ACSBG1: variants seen among roughly 807,000 people sequenced by gnomAD.
ACSBG1 encodes the protein long-chain-fatty-acid--CoA ligase ACSBG1.
In ACSBG1, 39 loss-of-function variants were observed where a neutral mutation model predicts 80.2. The ratio of observed to expected loss-of-function variants is 0.49; its 90% CI spans 0.38 to 0.64. The LOEUF (loss-of-function observed/expected upper bound fraction) is 0.64. ACSBG1 is among the 30% of genes least tolerant of loss of function. The probability of loss-of-function intolerance (pLI) is 0.00; values close to 1 mark genes in which losing one functional copy is unlikely to be tolerated. For synonymous variants in ACSBG1, 392 were observed against 379.5 expected (o/e 1.03, Z -0.38); for missense variants, 828 against 966.4 (o/e 0.86, Z 1.90).
chr15:78,215,710 GAGAAAGAAAGAAAGAGAA>G (rs1404244077), intron 1 of ACSBG1, among the ~76,000 whole-genome samples: 4 of 113,512 alleles, frequency 3.5e-5, no homozygotes, highest in African/African-American at 1.1e-4. Flanking sequence ...GAAGGAAAGA[GAGAAAGAAAGAAAGAGAA>G]AGAAAGAAAG....
At chr15:78,198,351 CTTTT>C (rs754538033) in intron 2 of ACSBG1, among the ~76,000 whole-genome samples, 72 of 144,310 alleles carry the variant, frequency 5.0e-4, no homozygotes, top group Admixed American at 1.0e-3. Flanking sequence ...ACTATAATCT[CTTTT>C]TTTGTTTTTG....
At chr15:78,182,368 C>T (rs887317093) in intron 7 of ACSBG1, 98 bp downstream of exon 7, 1 of 1,502,468 alleles carries the variant, frequency 6.7e-7, no homozygotes, top group Non-Finnish European at 9.0e-7. Flanking sequence ...GCAGAGGGGC[C>T]CAAGGAGCTT....
chr15:78,226,431 A>G (rs75453885), intron 1 of ACSBG1: 26,593 of 152,374 alleles, frequency 0.17, 2,800 homozygotes, highest in Non-Finnish European at 0.24. Context: ...GAAATAATTC[A>G]TGAAGTTAAA....
chr15:78,178,636 G>C lies in ACSBG1; in HGVS notation c.1680C>G (p.Leu560=). The C allele has an allele frequency of 6.2e-7, 1 of 1,612,976 alleles. No individual in the cohort carries two copies. Among genetic ancestry groups the C allele is most frequent in the Non-Finnish European group, 8.5e-7 (1 of 1,179,700 alleles). ...CACCTTTGAGGCGCCCAGTGATGTA[G>C]AGGAAGCCATCGGCGTCCAGGCGGC... ...DAGRLDADGF[L]YITGRLKELI... Residue 560 remains leucine, a synonymous_variant, in exon 11 of 14, where the codon CTC becomes CTG. Transcript: ENST00000258873. The surrounding 1 kb of genome is among the most constrained non-coding windows in gnomAD (Gnocchi z 4.3).
chr15:78,231,721 T>C (rs567043205), intron 1 of ACSBG1, among the ~76,000 whole-genome samples: 1 of 152,270 alleles, frequency 6.6e-6, no homozygotes, highest in East Asian at 1.9e-4. Context: ...CCTGAGTAGG[T>C]GGGACTACAG....
chr15:78,173,874 T>C, intron 12 of ACSBG1, 35 bp from the exon 13 acceptor site: 1 of 1,602,708 alleles, frequency 6.2e-7, no homozygotes, highest in Non-Finnish European at 8.5e-7. Flanking sequence ...GACCAAGCCT[T>C]ACCCAACAAG....
chr15:78,204,804 G>C (rs1343993091), intron 2 of ACSBG1, among the ~76,000 whole-genome samples: 1 of 152,208 alleles, frequency 6.6e-6, no homozygotes, highest in African/African-American at 2.4e-5. Context: ...ATTGTATCAG[G>C]CCTCTTTCTG....
chr15:78,212,550 C>T lies in ACSBG1; in HGVS notation c.132-4448G>A, dbSNP rs867048643. ...GAAGGTGGGCTCCTTGTTCCTTACG[C>T]AGTCCTCAGGATGGAGCTGGCAGAC... On this transcript the variant is annotated intron_variant, in intron 1 of 13. Transcript: ENST00000258873. 1.4e-4 allele frequency: 65 copies of T among 455,928 alleles called. No homozygotes were observed. In the Middle Eastern group the frequency reaches 4.2e-3, roughly 30 times the overall value. The allele number at this position is 455,928 out of a possible 1,614,324, so 28.2% of individuals were successfully genotyped here.
intron 1 of ACSBG1, among the ~76,000 whole-genome samples, chr15:78,229,035 G>GT (rs1252123875): frequency 6.7e-6 from 1 of 149,830 alleles, no homozygotes; most frequent in African/African-American, 2.5e-5. Context: ...CATTTGAAAT[G>GT]TTTTTAAGTG....
At position 78,219,406 on chromosome 15, in the gene ACSBG1, C is replaced by CA. The variant is rs34636353; in HGVS notation, c.132-11305dup. On this transcript the variant is annotated intron_variant, in intron 1 of 13. Transcript: ENST00000258873. The stretch of plus-strand genomic sequence containing the variant: ...TGGGTGACAGAGTAAGGCTTTGTCT[C>CA]AAAAAAAAAAAAAAAAAAAGTGAAC... Among the ~76,000 whole-genome samples, 172 of 119,686 alleles carry CA rather than the reference C, an allele frequency of 1.4e-3. 1 individual carries two copies. In the East Asian group the frequency reaches 0.016, roughly 11 times the overall value. 78.5% of individuals were successfully genotyped at this position (119,686 alleles called of 152,430 possible). A position where few individuals can be genotyped will look rare whatever the true frequency, so the allele number is the denominator to read the frequency against.
chr15:78,214,081 C>T (rs960077417), intron 1 of ACSBG1, among the ~76,000 whole-genome samples: 1 of 152,200 alleles, frequency 6.6e-6, no homozygotes, highest in African/African-American at 2.4e-5. Flanking sequence ...CCCCCATTCC[C>T]ACAGGAGAGC....
chr15:78,184,381 C>T (rs1374413568), intron 5 of ACSBG1, among the ~76,000 whole-genome samples: 1 of 151,756 alleles, frequency 6.6e-6, no homozygotes, highest in Non-Finnish European at 1.5e-5. Context: ...GGGGGTCTCA[C>T]TATGTTGCCC....
At chr15:78,182,328 T>C in intron 7 of ACSBG1, 138 bp downstream of exon 7, 1 of 1,352,662 alleles carries the variant, frequency 7.4e-7, no homozygotes, top group South Asian at 1.3e-5. Context: ...CACAGATTGA[T>C]GGGCTGTTCT....
At position 78,193,471 on chromosome 15, in the gene ACSBG1, C is replaced by T. The variant is rs759809966; in HGVS notation, c.663+35G>A. The stretch of plus-strand genomic sequence containing the variant: ...AGTGGAGGTGCATGGGGATACCCAG[C>T]ATCTGACCCCATGCCCACTGCCTCT... On this transcript the variant is annotated intron_variant, in intron 5 of 13. Transcript: ENST00000258873. 6 of 1,584,086 alleles carry T rather than the reference C, an allele frequency of 3.8e-6. No homozygotes were observed. The African/African-American group carries it at 5.4e-5, about 14-fold the overall frequency.
At chr15:78,231,284 CTAA>C (rs2075445134) in intron 1 of ACSBG1, among the ~76,000 whole-genome samples, 2 of 105,388 alleles carry the variant, frequency 1.9e-5, no homozygotes, top group Non-Finnish European at 4.3e-5. Context: ...CCACGCCTGG[CTAA>C]TTTTTTTTTT....
At chr15:78,223,500 G>T (rs2075375749) in intron 1 of ACSBG1, among the ~76,000 whole-genome samples, 1 of 152,170 alleles carries the variant, frequency 6.6e-6, no homozygotes, top group Admixed American at 6.5e-5. Flanking sequence ...CTAGCTTAAT[G>T]AGTCTATTTC....
intron 2 of ACSBG1, among the ~76,000 whole-genome samples, chr15:78,207,428 A>G (rs891017561): frequency 2.6e-5 from 4 of 152,186 alleles, no homozygotes; most frequent in Non-Finnish European, 5.9e-5. Flanking sequence ...TGTGCAGCCA[A>G]TAAAAGTGCA....
chr15:78,179,040 A>C, intron 10 of ACSBG1: 2 of 579,720 alleles, frequency 3.4e-6, no homozygotes. Context: ...AACAAATGAA[A>C]TGGTAATGGT....
intron 1 of ACSBG1, among the ~76,000 whole-genome samples, 185 bp downstream of exon 1, chr15:78,234,186 T>G (rs904446708): frequency 4.6e-5 from 7 of 152,348 alleles, no homozygotes; most frequent in Middle Eastern, 3.4e-3. Context: ...TTCTTAGCCA[T>G]GCTAAGTAGC....
Sources: allele counts gnomAD v4.1 joint callset (sites outside exome capture counted in the v4.1 genomes callset), GRCh38; gene constraint gnomAD v4.1.1; non-coding constraint Gnocchi (gnomAD v3.1); transcripts MANE v1.5; gene names NCBI Gene and HGNC (gene_info 2026-07-23, HGNC 2026-07-21).